The following DCHS2 variants were observed in gnomAD, a reference collection of about 807,000 sequenced individuals.
The protein encoded by DCHS2 is dachsous cadherin-related 2.
DCHS2 carries 142 observed loss-of-function variants against 182.4 expected under a neutral mutation model. The ratio of observed to expected loss-of-function variants is 0.78; its 90% CI spans 0.68 to 0.89. DCHS2 has a LOEUF of 0.89. Ranked by LOEUF, DCHS2 falls within the 40% of genes least tolerant of loss-of-function variation. The pLI, the probability that DCHS2 is intolerant of heterozygous loss-of-function variation, is 0.00. For missense variants in DCHS2, 4,319 were observed against 4,198.6 expected, an observed-to-expected ratio of 1.03 and a Z score of -0.79; for synonymous variants, 1,740 against 1,663.3, an observed-to-expected ratio of 1.05 and a Z score of -1.12.
intron 3 of DCHS2, among the ~76,000 whole-genome samples, chr4:154,362,695 G>A (rs989933922): frequency 8.6e-5 from 13 of 151,796 alleles, no homozygotes; most frequent in East Asian, 1.9e-4. Flanking sequence ...CCTTTCCTCC[G>A]TCTCTACCAC....
At chr4:154,421,324 C>T (rs1328723319) in intron 1 of DCHS2, among the ~76,000 whole-genome samples, 4 of 152,082 alleles carry the variant, frequency 2.6e-5, no homozygotes, top group South Asian at 4.1e-4. Flanking sequence ...AAGAATCACT[C>T]CTTTGCAGTC....
intron 2 of DCHS2, among the ~76,000 whole-genome samples, 168 bp downstream of exon 2, chr4:154,377,085 T>G (rs376184860): frequency 2.0e-5 from 3 of 152,312 alleles, no homozygotes; most frequent in East Asian, 3.9e-4. Context: ...TATTTATGGG[T>G]GAAATAACAT....
chr4:154,343,592 A>T (rs557319250), intron 3 of DCHS2: 72 of 1,521,860 alleles, frequency 4.7e-5, no homozygotes, highest in Non-Finnish European at 6.3e-5. Flanking sequence ...TCATGAACCA[A>T]CCTCTGCTAG....
chr4:154,329,813 T>C (rs1258209796), intron 5 of DCHS2, 103 bp from the exon 6 acceptor site: 1 of 1,068,446 alleles, frequency 9.4e-7, no homozygotes, highest in South Asian at 1.9e-5. Context: ...TTTGAGCAAA[T>C]ATGCGACTTC....
chr4:154,255,076 A>G (rs1044218406), intron 16 of DCHS2, among the ~76,000 whole-genome samples: 1 of 152,260 alleles, frequency 6.6e-6, no homozygotes, highest in Non-Finnish European at 1.5e-5. Context: ...CAGAACTGCA[A>G]CAGGACCTTC....
At chr4:154,448,370 T>C (rs1270983246) in intron 1 of DCHS2, among the ~76,000 whole-genome samples, 1 of 152,216 alleles carries the variant, frequency 6.6e-6, no homozygotes, top group Non-Finnish European at 1.5e-5. Flanking sequence ...AAGCTGGATG[T>C]ATGATCTTTT....
intron 1 of DCHS2, among the ~76,000 whole-genome samples, chr4:154,424,891 C>A (rs566240460): frequency 3.9e-5 from 6 of 152,290 alleles, no homozygotes; most frequent in African/African-American, 1.4e-4. Context: ...GAGACCCTTC[C>A]CATGATAATG....
intron 3 of DCHS2, among the ~76,000 whole-genome samples, chr4:154,363,798 C>T (rs1245653410): frequency 2.0e-5 from 3 of 152,064 alleles, no homozygotes; most frequent in Non-Finnish European, 4.4e-5. Context: ...ATCAAAACAC[C>T]ACCTTGTACG....
At chr4:154,372,300 C>T (rs1465362577) in intron 2 of DCHS2, among the ~76,000 whole-genome samples, 1 of 152,114 alleles carries the variant, frequency 6.6e-6, no homozygotes, top group Non-Finnish European at 1.5e-5. Context: ...AGTTAAAGAA[C>T]ATAATCTATT....
In DCHS2 at chr4:154,236,906, G is replaced by A. The variant is rs1281384072; in HGVS notation, c.7746C>T (p.Asn2582=). The change falls in exon 20 of 20, where the codon AAC becomes AAT. Residue 2582 remains asparagine, a synonymous_variant. Coordinates refer to ENST00000357232, the MANE Select transcript of DCHS2 (RefSeq NM_001358235.2). The part of the protein sequence containing the change: ...SNIDHDWTRE[N]TYVEYSIISG... ...TGATGATGGAATATTCAACATATGTGTTTTCACGGGTCCAGTCATGGTCGA... is the reference window on the plus strand; with the variant it reads ...TGATGATGGAATATTCAACATATGTATTTTCACGGGTCCAGTCATGGTCGA... The A allele has an allele frequency of 2.5e-6, 4 of 1,613,930 alleles. No individual in the cohort carries two copies. Among genetic ancestry groups the A allele is most frequent in the Non-Finnish European group, 3.4e-6 (4 of 1,179,966 alleles).
intron 1 of DCHS2, among the ~76,000 whole-genome samples, chr4:154,438,581 G>A (rs6834312): frequency 0.46 from 69,864 of 151,814 alleles, 16,555 homozygotes; most frequent in Middle Eastern, 0.68. Flanking sequence ...CTAGATTTGC[G>A]CTAACATCGG....
intron 12 of DCHS2, 170 bp from the exon 13 acceptor site, chr4:154,298,878 G>A: frequency 1.0e-6 from 1 of 972,546 alleles, no homozygotes; most frequent in South Asian, 3.4e-5. Context: ...GCATGATAAA[G>A]GCTCTGCCCT....
chr4:154,444,957 C>A (rs114252939), intron 1 of DCHS2, among the ~76,000 whole-genome samples: 16 of 152,186 alleles, frequency 1.1e-4, no homozygotes, highest in African/African-American at 3.4e-4. Context: ...TCTACCTAGA[C>A]GACTGGTCCC....
At chr4:154,281,630 A>G (rs921188390) in intron 13 of DCHS2, among the ~76,000 whole-genome samples, 69 of 152,186 alleles carry the variant, frequency 4.5e-4, no homozygotes, top group African/African-American at 1.6e-3. Context: ...ATTCAATTCA[A>G]TCCCTACCAA....
In DCHS2 at chr4:154,279,984, G is replaced by A. The variant is rs544751478; in HGVS notation, c.6464-9971C>T. Among the ~76,000 whole-genome samples the A allele has an allele frequency of 5.9e-4, 89 of 151,888 alleles. 1 individual carries two copies. The Middle Eastern group carries it at 0.01, about 17-fold the overall frequency. ...TTGGCAAAGCCTTAGCTAGACTAATGAGACAGAGACAGAGAAAGAGAGAGA... is the reference window on the plus strand; with the variant it reads ...TTGGCAAAGCCTTAGCTAGACTAATAAGACAGAGACAGAGAAAGAGAGAGA... On this transcript the variant is annotated intron_variant, in intron 13 of 19. Transcript: ENST00000357232.
intron 9 of DCHS2, among the ~76,000 whole-genome samples, chr4:154,319,140 C>A (rs988344423): frequency 6.6e-6 from 1 of 152,092 alleles, no homozygotes; most frequent in African/African-American, 2.4e-5. Flanking sequence ...CAGATATCCA[C>A]ATGCAAAAGA....
chr4:154,331,692 G>T (rs1197531760), intron 5 of DCHS2: 1 of 1,613,568 alleles, frequency 6.2e-7, no homozygotes, highest in South Asian at 1.1e-5. Flanking sequence ...CCCAGGTTAT[G>T]ACATAGATGG....
At chr4:154,356,426 A>C (rs1729872406) in intron 3 of DCHS2, among the ~76,000 whole-genome samples, 1 of 152,152 alleles carries the variant, frequency 6.6e-6, no homozygotes, top group Non-Finnish European at 1.5e-5. Context: ...AATTTAAAGA[A>C]ATTTGATGTA....
At chr4:154,417,405 C>G (rs1309525522) in intron 1 of DCHS2, among the ~76,000 whole-genome samples, 2 of 152,106 alleles carry the variant, frequency 1.3e-5, no homozygotes, top group African/African-American at 2.4e-5. Context: ...TAAGCCAAAG[C>G]ACTTTGTTAT....
Sources: allele counts gnomAD v4.1 joint callset (sites outside exome capture counted in the v4.1 genomes callset), GRCh38; gene constraint gnomAD v4.1.1; transcripts MANE v1.5; gene names NCBI Gene and HGNC (gene_info 2026-07-23, HGNC 2026-07-21).